The following ATP2C2 variants were observed in gnomAD, a reference collection of about 807,000 sequenced individuals.
The protein encoded by ATP2C2 is calcium-transporting ATPase type 2C member 2.
In ATP2C2, 171 loss-of-function variants were observed where a neutral mutation model predicts 110.8. The observed-to-expected ratio is 1.54, with a 90% CI of 1.36 to 1.75. The LOEUF (loss-of-function observed/expected upper bound fraction) is 1.75, where lower values mean the gene tolerates loss of function less well. Among genes scored for constraint, ATP2C2 ranks in the 40% most tolerant of loss-of-function variants. The probability of loss-of-function intolerance (pLI) is 0.00; values close to 1 mark genes in which losing one functional copy is unlikely to be tolerated. For synonymous variants in ATP2C2, 804 were observed against 508.4 expected, an observed-to-expected ratio of 1.58 and a Z score of -7.82; for missense variants, 1,963 against 1,235.0, an observed-to-expected ratio of 1.59 and a Z score of -8.84.
intron 15 of ATP2C2, among the ~76,000 whole-genome samples, chr16:84,444,013 A>G (rs1909511849): frequency 6.6e-6 from 1 of 151,998 alleles, no homozygotes; most frequent in Non-Finnish European, 1.5e-5. Context: ...CAAAAAATAT[A>G]AAAATTAGCT....
rs1207353227 is a variant in ATP2C2 at position 84,422,287 on chromosome 16, C to T, written c.625-103C>T. ...ACTCATTCTGTAGGTTCACTGTGTT[C>T]TTGAGTTCATGTCCATGAAGGTGCT... is the stretch of plus-strand genomic sequence containing the variant. On this transcript the variant is annotated intron_variant, in intron 7 of 26. Transcript: ENST00000262429. 2.9e-6 allele frequency: 4 copies of T among 1,372,828 alleles called. No homozygotes were observed. In the South Asian group the frequency reaches 5.4e-5, roughly 19 times the overall value. The allele number at this position is 1,372,828 out of a possible 1,614,324, so 85.0% of individuals were successfully genotyped here.
chr16:84,445,931 C>A (rs1196198302), intron 15 of ATP2C2, among the ~76,000 whole-genome samples: 2 of 152,174 alleles, frequency 1.3e-5, no homozygotes. Context: ...GCCAGGCTGG[C>A]AAGGACCCCA....
At chr16:84,458,650 C>T (rs1162106102) in intron 21 of ATP2C2, among the ~76,000 whole-genome samples, 5 of 152,218 alleles carry the variant, frequency 3.3e-5, no homozygotes, top group African/African-American at 7.2e-5. Context: ...AGGGCTTCCG[C>T]GAAGAGCCTT....
chr16:84,421,109 C>G (rs141661190), intron 7 of ATP2C2, among the ~76,000 whole-genome samples: 1 of 152,234 alleles, frequency 6.6e-6, no homozygotes, highest in Non-Finnish European at 1.5e-5. Context: ...CCCGGCCGTC[C>G]TTGACAGTTT....
intron 11 of ATP2C2, among the ~76,000 whole-genome samples, chr16:84,430,142 A>G (rs536499798): frequency 6.6e-6 from 1 of 152,328 alleles, no homozygotes; most frequent in Non-Finnish European, 1.5e-5. Flanking sequence ...ATTCACGTGT[A>G]CCAGGAGTTA....
chr16:84,458,451 T>C (rs1316625400), intron 21 of ATP2C2, among the ~76,000 whole-genome samples: 1 of 144,766 alleles, frequency 6.9e-6, no homozygotes, highest in African/African-American at 2.6e-5. Context: ...CATATGTAAC[T>C]AACCTGCACA....
intron 1 of ATP2C2, among the ~76,000 whole-genome samples, chr16:84,393,964 T>C (rs763853050): frequency 2.7e-5 from 4 of 147,114 alleles, no homozygotes; most frequent in Non-Finnish European, 5.9e-5. Context: ...AAGACCAGCC[T>C]GGGCAACATG....
At position 84,405,187 on chromosome 16, in the gene ATP2C2, C is replaced by T; in HGVS notation, c.270C>T (p.Gly90=). 1 of 1,614,092 alleles carries T rather than the reference C, an allele frequency of 6.2e-7. No individual in the cohort carries two copies. Among genetic ancestry groups the T allele is most frequent in the Non-Finnish European group, 8.5e-7 (1 of 1,180,016 alleles). ...TGACGCAGCGCCGGCTGGCCCATGG[C>T]TGGAATGAGTTTGTTGCTGACAACA... The part of the protein sequence containing the change: ...FSVTQRRLAH[G]WNEFVADNSE... Residue 90 remains glycine (G), a synonymous_variant, in exon 3 of 27, where the codon GGC becomes GGT. Coordinates refer to ENST00000262429, the MANE Select transcript of ATP2C2 (RefSeq NM_014861.4).
chr16:84,453,379 G>A lies in ATP2C2; in HGVS notation c.1980+8G>A, dbSNP rs1910487282. On this transcript the variant is annotated splice_region_variant and intron_variant, in intron 20 of 26. Transcript: ENST00000262429. Reference sequence around the variant, plus strand: ...AAGCTCAAAATCATCAAGGTTCGCTGGGCAAGGCAGGCACAGGCTGCGCTG... The same window carrying A: ...AAGCTCAAAATCATCAAGGTTCGCTAGGCAAGGCAGGCACAGGCTGCGCTG... The A allele has an allele frequency of 1.2e-6, 2 of 1,614,060 alleles. No homozygotes were observed. The highest frequency in any genetic ancestry group is 2.2e-5 in the East Asian group (1 of 44,896).
chr16:84,383,983 T>G (rs1389023199), intron 1 of ATP2C2, among the ~76,000 whole-genome samples: 1 of 151,944 alleles, frequency 6.6e-6, no homozygotes, highest in Non-Finnish European at 1.5e-5. Context: ...GAGACTGGGT[T>G]TCACGCTGTT....
chr16:84,396,020 G>C (rs1182168739), intron 1 of ATP2C2, among the ~76,000 whole-genome samples: 2 of 152,080 alleles, frequency 1.3e-5, no homozygotes, highest in Non-Finnish European at 2.9e-5. Flanking sequence ...TTCTGTCTCT[G>C]TGAGTTTGAC....
chr16:84,417,721 A>T (rs1348187510), intron 7 of ATP2C2, among the ~76,000 whole-genome samples: 1 of 152,210 alleles, frequency 6.6e-6, no homozygotes, highest in South Asian at 2.1e-4. Flanking sequence ...GTGACACTCC[A>T]TCTGTACAAA....
chr16:84,418,011 A>G (rs139267250), intron 7 of ATP2C2, among the ~76,000 whole-genome samples: 7 of 152,312 alleles, frequency 4.6e-5, no homozygotes, highest in African/African-American at 1.7e-4. Context: ...TGGGGGTCCC[A>G]GAACATTATT....
intron 20 of ATP2C2, 31 bp from the exon 21 acceptor site, chr16:84,454,787 T>G: frequency 6.4e-7 from 1 of 1,554,142 alleles, no homozygotes; most frequent in South Asian, 1.2e-5. Flanking sequence ...GTCGTCAGGC[T>G]GCAGGCCTTC....
chr16:84,460,352 G>GA lies in ATP2C2; in HGVS notation c.2334-302_2334-301insA, dbSNP rs199872715. The GA allele has an allele frequency of 6.2e-4, 267 of 433,388 alleles. 2 individuals are homozygous for GA. Among genetic ancestry groups the GA allele is most frequent in the African/African-American group, 4.9e-3 (246 of 50,160 alleles). The allele number at this position is 433,388 out of a possible 1,614,324, so 26.8% of individuals were successfully genotyped here. A position where few individuals can be genotyped will look rare whatever the true frequency, so the allele number is the denominator to read the frequency against. ...TGTTTCTCCAGGCGCAACGTTGGGG[G>GA]GGGTCCCCTCGGGGTGATGGAGATC... On this transcript the variant is annotated intron_variant, in intron 23 of 26. Transcript: ENST00000262429.
At chr16:84,448,370 C>T (rs1350979304) in intron 16 of ATP2C2, among the ~76,000 whole-genome samples, 163 bp from the exon 17 acceptor site, 4 of 152,134 alleles carry the variant, frequency 2.6e-5, no homozygotes, top group Admixed American at 6.6e-5. Flanking sequence ...TCTAGAACTT[C>T]GCGAACCTGT....
In ATP2C2 at chr16:84,452,105, G is replaced by C. The variant is rs760209596; in HGVS notation, c.1831+14G>C. On this transcript the variant is annotated intron_variant, in intron 18 of 26. Transcript: ENST00000262429. ...CCTTGGCCATAGGTAACTGGGACAG[G>C]GTCGGGGGTGAGGACGAAAGGACCC... is the stretch of plus-strand genomic sequence containing the variant. 1 of 1,613,686 alleles carries C rather than the reference G, an allele frequency of 6.2e-7. No homozygotes were observed. The highest frequency in any genetic ancestry group is 1.1e-5 in the South Asian group (1 of 91,060).
intron 15 of ATP2C2, among the ~76,000 whole-genome samples, chr16:84,445,023 C>T (rs1039669234): frequency 6.6e-5 from 10 of 152,178 alleles, no homozygotes; most frequent in African/African-American, 1.9e-4. Flanking sequence ...CACTGAAACA[C>T]AGCTCTGTGG....
chr16:84,396,940 G>A (rs1029024435), intron 1 of ATP2C2, among the ~76,000 whole-genome samples: 1 of 151,902 alleles, frequency 6.6e-6, no homozygotes, highest in Non-Finnish European at 1.5e-5. Flanking sequence ...AGGCATTTGG[G>A]AGGAGATGGT....
Sources: gnomAD v4.1 joint callset for allele counts (sites outside exome capture counted in the v4.1 genomes callset) on GRCh38, gnomAD v4.1.1 for gene constraint, MANE v1.5 for transcripts, NCBI Gene and HGNC (gene_info 2026-07-23, HGNC 2026-07-21) for gene names.